NET1: variants seen among roughly 807,000 people sequenced by gnomAD.
NET1 encodes neuroepithelial cell-transforming gene 1 protein.
NET1 carries 42 observed loss-of-function variants against 61.1 expected under a neutral mutation model. The observed-to-expected ratio is 0.69, with a 90% CI of 0.54 to 0.89. The LOEUF is 0.89. Among genes scored for constraint, NET1 ranks in the 40% least tolerant of loss-of-function variants. The pLI, the probability that NET1 is intolerant of heterozygous loss-of-function variation, is 0.00. For missense variants in NET1, 654 were observed against 747.3 expected, an observed-to-expected ratio of 0.88 and a Z score of 1.46; for synonymous variants, 254 against 281.8, an observed-to-expected ratio of 0.90 and a Z score of 0.99.
chr10:5,456,779 C>T lies in NET1; in HGVS notation c.1576C>T (p.His526Tyr). ...PELHEECEGN[H>Y]PSARKLTAQR... is the part of the protein sequence containing the mutation. Reference sequence around the variant, plus strand: ...GCTGCACGAAGAGTGTGAGGGGAACCACCCCTCTGCGAGGAAACTCACAGC... The same window carrying T: ...GCTGCACGAAGAGTGTGAGGGGAACTACCCCTCTGCGAGGAAACTCACAGC... The change falls in exon 12 of 12, where the codon CAC (histidine) becomes TAC (tyrosine). Residue 526 changes from histidine to tyrosine, a missense_variant. Coordinates refer to ENST00000355029, the MANE Select transcript of NET1 (RefSeq NM_001047160.3). This position sits in a 1 kb window ranked among gnomAD's most constrained non-coding sequence, Gnocchi z 7.0. 2.5e-6 allele frequency: 4 copies of T among 1,613,160 alleles called. No individual in the cohort carries two copies. Among genetic ancestry groups the T allele is most frequent in the Non-Finnish European group, 3.4e-6 (4 of 1,179,494 alleles).
At position 5,452,680 on chromosome 10, in the gene NET1, AG is replaced by A; in HGVS notation, c.531+158del. 1 of 922,888 alleles carries A rather than the reference AG, an allele frequency of 1.1e-6. No individual in the cohort carries two copies. Among genetic ancestry groups the A allele is most frequent in the South Asian group, 1.8e-5 (1 of 55,770 alleles). 57.2% of individuals were successfully genotyped at this position (922,888 alleles called of 1,614,324 possible). On this transcript the variant is annotated intron_variant, in intron 5 of 11. Transcript: ENST00000355029. The surrounding 1 kb of genome is among the most constrained non-coding windows in gnomAD (Gnocchi z 4.0). ...GGTGGTCAAATTAAACAACTCTAAT[AG>A]GGTAAACTTACCAAACATACGGCAA...
rs914533941 is a variant in NET1 at position 5,449,421 on chromosome 10, G to A, written c.256-2409G>A. On this transcript the variant is annotated intron_variant, in intron 3 of 11. Coordinates refer to ENST00000355029, the MANE Select transcript of NET1 (RefSeq NM_001047160.3). The surrounding 1 kb of genome is among the most constrained non-coding windows in gnomAD (Gnocchi z 4.4). ...GCATCATACTTCCCAAGACATCCTA[G>A]ATTTGATAAACTCTGAAAAGCAGCA... Among the ~76,000 whole-genome samples the A allele has an allele frequency of 4.1e-4, 62 of 152,096 alleles. No individual in the cohort carries two copies. The highest frequency in any genetic ancestry group is 1.3e-3 in the African/African-American group (54 of 41,452).
Position 5,412,898 on chromosome 10 carries a change from A to C in NET1, c.128+78A>C. 2 of 665,734 alleles carry C rather than the reference A, an allele frequency of 3.0e-6. No homozygotes were observed. The highest frequency in any genetic ancestry group is 3.7e-6 in the Non-Finnish European group (2 of 537,128). The allele number at this position is 665,734 out of a possible 1,614,324, so 41.2% of individuals were successfully genotyped here. A position where few individuals can be genotyped will look rare whatever the true frequency, so the allele number is the denominator to read the frequency against. ...GGGCCGAACGGGAGGTGAGTGTTGGAGAGGCAAGGGCCGGGGGGAGGGGAG... is the reference window on the plus strand; with the variant it reads ...GGGCCGAACGGGAGGTGAGTGTTGGCGAGGCAAGGGCCGGGGGGAGGGGAG... On this transcript the variant is annotated intron_variant, in intron 1 of 11. Coordinates refer to ENST00000355029, the MANE Select transcript of NET1 (RefSeq NM_001047160.3). The surrounding 1 kb of genome is among the most constrained non-coding windows in gnomAD (Gnocchi z 6.5).
rs768202445 is a variant in NET1 at position 5,443,187 on chromosome 10, A to G, written c.256-8643A>G. 2.6e-5 allele frequency among the ~76,000 whole-genome samples: 4 copies of G among 152,140 alleles called. No homozygotes were observed. The highest frequency in any genetic ancestry group is 4.4e-5 in the Non-Finnish European group (3 of 68,022). ...TTTTATATGGGTTATCTTCATCTGG[A>G]CAGTGTCACAACAGCTGAGCAGAAC... On this transcript the variant is annotated intron_variant, in intron 3 of 11. Coordinates refer to ENST00000355029, the MANE Select transcript of NET1 (RefSeq NM_001047160.3). This position sits in a 1 kb window ranked among gnomAD's most constrained non-coding sequence, Gnocchi z 4.8.
At chr10:5,438,418 T>C (rs1339357752) in intron 3 of NET1, among the ~76,000 whole-genome samples, 2 of 152,160 alleles carry the variant, frequency 1.3e-5, no homozygotes, top group African/African-American at 2.4e-5. Context: ...TACTACCATA[T>C]TGTACAGAAA....
Position 5,426,249 on chromosome 10 carries a change from GT to G in NET1, c.129-400del, listed in dbSNP as rs2119174184. 6.6e-6 allele frequency among the ~76,000 whole-genome samples: 1 copy of G among 152,116 alleles called. No individual in the cohort carries two copies. Among genetic ancestry groups the G allele is most frequent in the East Asian group, 1.9e-4 (1 of 5,182 alleles). On this transcript the variant is annotated intron_variant, in intron 1 of 11. Transcript: ENST00000355029. This position sits in a 1 kb window ranked among gnomAD's most constrained non-coding sequence, Gnocchi z 4.6. ...TTGTTAAGAGTATCCTTTTATTTTT[GT>G]TTTTTAAAATACTATACGTGAATAT... is the stretch of plus-strand genomic sequence containing the variant.
rs750089490 is a variant in NET1 at position 5,425,419 on chromosome 10, A to G, written c.129-1236A>G. On this transcript the variant is annotated intron_variant, in intron 1 of 11. Transcript: ENST00000355029. Reference sequence around the variant, plus strand: ...TGAACAACGACTATGAAGCTTAAGGATCACATGTATAAACAGACAATGACT... The same window carrying G: ...TGAACAACGACTATGAAGCTTAAGGGTCACATGTATAAACAGACAATGACT... 3.2e-4 allele frequency among the ~76,000 whole-genome samples: 48 copies of G among 152,222 alleles called. 1 individual carries two copies. Among genetic ancestry groups the G allele is most frequent in the Non-Finnish European group, 2.5e-4 (17 of 68,040 alleles).
rs1422340682 is a variant in NET1 at position 5,431,324 on chromosome 10, T to C, written c.255+2095T>C. The stretch of plus-strand genomic sequence containing the variant: ...TATGATTGCATCCCCATGGTATCAT[T>C]GACTATGTTCCTCTATTCCCTGTAT... On this transcript the variant is annotated intron_variant, in intron 3 of 11. Coordinates refer to ENST00000355029, the MANE Select transcript of NET1 (RefSeq NM_001047160.3). This position sits in a 1 kb window ranked among gnomAD's most constrained non-coding sequence, Gnocchi z 4.9. Among the ~76,000 whole-genome samples the C allele has an allele frequency of 6.6e-6, 1 of 152,240 alleles. No individual in the cohort carries two copies. The highest frequency in any genetic ancestry group is 1.5e-5 in the Non-Finnish European group (1 of 68,044).
Position 5,423,380 on chromosome 10 carries a change from C to T in NET1, c.129-3275C>T, listed in dbSNP as rs1832209722. Among the ~76,000 whole-genome samples, 1 of 152,124 alleles carries T rather than the reference C, an allele frequency of 6.6e-6. No individual in the cohort carries two copies. Among genetic ancestry groups the T allele is most frequent in the Non-Finnish European group, 1.5e-5 (1 of 68,000 alleles). On this transcript the variant is annotated intron_variant, in intron 1 of 11. Coordinates refer to ENST00000355029, the MANE Select transcript of NET1 (RefSeq NM_001047160.3). The surrounding 1 kb of genome is among the most constrained non-coding windows in gnomAD (Gnocchi z 4.4). The stretch of plus-strand genomic sequence containing the variant: ...ATTAACAAGATGCTTTTCTTTTGAA[C>T]AGCAGCTTTATCATTTTAATTATGA...
rs1281011012 is a variant in NET1 at position 5,446,945 on chromosome 10, T to G, written c.256-4885T>G. The G allele has an allele frequency of 9.5e-7, 1 of 1,057,078 alleles. No homozygotes were observed. Among genetic ancestry groups the G allele is most frequent in the Non-Finnish European group, 1.3e-6 (1 of 745,898 alleles). The allele number at this position is 1,057,078 out of a possible 1,614,324, so 65.5% of individuals were successfully genotyped here. On this transcript the variant is annotated intron_variant, in intron 3 of 11. Transcript: ENST00000355029. This position sits in a 1 kb window ranked among gnomAD's most constrained non-coding sequence, Gnocchi z 5.0. ...AATTTTTAACAAGGTATTAACAGTA[T>G]AATTTTAAACTTTTGATCTTATTAT...
At position 5,412,766 on chromosome 10, in the gene NET1, C is replaced by CGG; in HGVS notation, c.75_76dup (p.Glu26GlyfsTer31). ...AGCCGCCGGGCCTCTGGGCTCAGCA[C>CGG]GGAGGGAGCGACGGGGCCTTCGGCC... On this transcript the variant is annotated frameshift_variant, in exon 1 of 12. Transcript: ENST00000355029. LOFTEE classifies it high-confidence loss of function. This position sits in a 1 kb window ranked among gnomAD's most constrained non-coding sequence, Gnocchi z 6.5. 1 of 1,468,460 alleles carries CGG rather than the reference C, an allele frequency of 6.8e-7. No homozygotes were observed. Among genetic ancestry groups the CGG allele is most frequent in the Non-Finnish European group, 9.0e-7 (1 of 1,114,372 alleles). 91.0% of individuals were successfully genotyped at this position (1,468,460 alleles called of 1,614,324 possible). A position where few individuals can be genotyped will look rare whatever the true frequency, so the allele number is the denominator to read the frequency against.
rs894553250 is a variant in NET1 at position 5,412,671 on chromosome 10, G to A, written c.-22G>A. ...CCGGTCTCCCGGGCACCCGGCCACCGCCCCACCCCCTCCTCCGTGCCATGG... is the reference window on the plus strand; with the variant it reads ...CCGGTCTCCCGGGCACCCGGCCACCACCCCACCCCCTCCTCCGTGCCATGG... On this transcript the variant is annotated 5_prime_UTR_variant, in exon 1 of 12. Transcript: ENST00000355029. This position sits in a 1 kb window ranked among gnomAD's most constrained non-coding sequence, Gnocchi z 6.5. 5 of 1,456,908 alleles carry A rather than the reference G, an allele frequency of 3.4e-6. No homozygotes were observed. In the East Asian group the frequency reaches 9.0e-5, roughly 26 times the overall value. The allele number at this position is 1,456,908 out of a possible 1,614,324, so 90.2% of individuals were successfully genotyped here.
chr10:5,419,448 G>A (rs780021256), intron 1 of NET1, among the ~76,000 whole-genome samples: 16 of 152,120 alleles, frequency 1.1e-4, no homozygotes, highest in Admixed American at 7.2e-4. Flanking sequence ...CCATTTTGTC[G>A]TGTTATATAT....
At position 5,423,934 on chromosome 10, in the gene NET1, A is replaced by C. The variant is rs1055190700; in HGVS notation, c.129-2721A>C. Among the ~76,000 whole-genome samples, 1 of 152,148 alleles carries C rather than the reference A, an allele frequency of 6.6e-6. No individual in the cohort carries two copies. The highest frequency in any genetic ancestry group is 2.4e-5 in the African/African-American group (1 of 41,424). ...CAAAATAAATAGAATCTTGTTATTG[A>C]AGTGGGAAAAAATAGCATTACTGTA... On this transcript the variant is annotated intron_variant, in intron 1 of 11. Transcript: ENST00000355029. The surrounding 1 kb of genome is among the most constrained non-coding windows in gnomAD (Gnocchi z 4.4).
At position 5,443,803 on chromosome 10, in the gene NET1, ATACCCCTTCTCAT is replaced by A. The variant is rs1045704472; in HGVS notation, c.256-8024_256-8012del. Among the ~76,000 whole-genome samples the A allele has an allele frequency of 5.3e-5, 8 of 152,360 alleles. No homozygotes were observed. The highest frequency in any genetic ancestry group is 1.4e-4 in the African/African-American group (6 of 41,586). On this transcript the variant is annotated intron_variant, in intron 3 of 11. Coordinates refer to ENST00000355029, the MANE Select transcript of NET1 (RefSeq NM_001047160.3). This position sits in a 1 kb window ranked among gnomAD's most constrained non-coding sequence, Gnocchi z 4.8. ...CCCCAGCTGAAGGAGAGAATGAAAG[ATACCCCTTCTCAT>A]TATCTTGGCTCATTTCTGTTGGAAC...
chr10:5,458,034 G>C lies in NET1; in HGVS notation c.*1040G>C, dbSNP rs946296115. Reference sequence around the variant, plus strand: ...TGGTTGTGCCAGACATTTCACAAGTGTGAAAGGAGATAGGAGAAGCTCAAC... The same window carrying C: ...TGGTTGTGCCAGACATTTCACAAGTCTGAAAGGAGATAGGAGAAGCTCAAC... On this transcript the variant is annotated 3_prime_UTR_variant, in exon 12 of 12. Transcript: ENST00000355029. This position sits in a 1 kb window ranked among gnomAD's most constrained non-coding sequence, Gnocchi z 4.5. 6.6e-6 allele frequency: 1 copy of C among 152,198 alleles called. No individual in the cohort carries two copies. Among genetic ancestry groups the C allele is most frequent in the Non-Finnish European group, 1.5e-5 (1 of 68,020 alleles). The allele number at this position is 152,198 out of a possible 1,614,324, so 9.4% of individuals were successfully genotyped here. A position where few individuals can be genotyped will look rare whatever the true frequency, so the allele number is the denominator to read the frequency against.
intron 1 of NET1, among the ~76,000 whole-genome samples, chr10:5,413,817 A>G (rs905807017): frequency 2.6e-5 from 4 of 152,226 alleles, no homozygotes; most frequent in Admixed American, 2.6e-4. Context: ...TGTGAGTGCC[A>G]ACACTAGGAA....
At position 5,425,401 on chromosome 10, in the gene NET1, C is replaced by T. The variant is rs562484013; in HGVS notation, c.129-1254C>T. On this transcript the variant is annotated intron_variant, in intron 1 of 11. Transcript: ENST00000355029. ...GGTGTTTCTATAACTTGATGAACAACGACTATGAAGCTTAAGGATCACATG... is the reference window on the plus strand; with the variant it reads ...GGTGTTTCTATAACTTGATGAACAATGACTATGAAGCTTAAGGATCACATG... Among the ~76,000 whole-genome samples, 18 of 152,300 alleles carry T rather than the reference C, an allele frequency of 1.2e-4. No individual in the cohort carries two copies. In the South Asian group the frequency reaches 1.4e-3, roughly 12 times the overall value.
intron 3 of NET1, among the ~76,000 whole-genome samples, chr10:5,433,106 C>T (rs1832374363): frequency 6.6e-6 from 1 of 152,122 alleles, no homozygotes; most frequent in Admixed American, 6.6e-5. Context: ...CACTTTCCTC[C>T]CATTTTTAAA....
Sources: gnomAD v4.1 joint callset for allele counts (sites outside exome capture counted in the v4.1 genomes callset) on GRCh38, gnomAD v4.1.1 for gene constraint, Gnocchi (gnomAD v3.1) non-coding constraint, MANE v1.5 for transcripts, NCBI Gene and HGNC (gene_info 2026-07-23, HGNC 2026-07-21) for gene names.